Variants in NDUFAF6 observed in about 807,000 individuals in gnomAD.
NDUFAF6 encodes NADH dehydrogenase (ubiquinone) complex I, assembly factor 6.
NDUFAF6 carries 45 observed loss-of-function variants against 40.8 expected under a neutral mutation model. That is an observed-to-expected ratio of 1.10 (90% CI 0.87 to 1.42). The LOEUF (loss-of-function observed/expected upper bound fraction) is 1.42. Ranked by LOEUF, NDUFAF6 falls within the 40% of genes most tolerant of loss-of-function variation. The pLI is 0.00. For synonymous variants in NDUFAF6, 185 were observed against 155.9 expected, an observed-to-expected ratio of 1.19 and a Z score of -1.39; for missense variants, 435 against 418.5, an observed-to-expected ratio of 1.04 and a Z score of -0.34.
intron 1 of NDUFAF6, among the ~76,000 whole-genome samples, chr8:95,026,811 G>C (rs1256064425): frequency 6.6e-6 from 1 of 152,202 alleles, no homozygotes; most frequent in Admixed American, 6.5e-5. Flanking sequence ...ATTTTGGGAA[G>C]CCTAGGCAGA....
At chr8:95,104,009 G>A (rs1379530585), downstream of NDUFAF6, among the ~76,000 whole-genome samples, 2 of 151,970 alleles carry the variant, frequency 1.3e-5, no homozygotes, top group African/African-American at 4.8e-5. Flanking sequence ...TGCTTCTTCG[G>A]GTTTTCTCTT....
At chr8:94,911,959 G>A (rs1309822110) in intron 1 of NDUFAF6, among the ~76,000 whole-genome samples, 1 of 152,200 alleles carries the variant, frequency 6.6e-6, no homozygotes, top group Non-Finnish European at 1.5e-5. Flanking sequence ...GTGAGTAACT[G>A]CTGTTCGTAA....
At chr8:94,904,604 T>C (rs1329723618) in intron 1 of NDUFAF6, among the ~76,000 whole-genome samples, 2 of 152,148 alleles carry the variant, frequency 1.3e-5, no homozygotes, top group Non-Finnish European at 2.9e-5. Flanking sequence ...TTCTTGATTC[T>C]GTTCTTTATG....
intron 5 of NDUFAF6, among the ~76,000 whole-genome samples, chr8:95,046,135 A>G (rs1482537281): frequency 2.6e-5 from 4 of 151,886 alleles, no homozygotes; most frequent in Non-Finnish European, 4.4e-5. Context: ...ATCTCGGCTC[A>G]CTGCAACCTC....
chr8:95,061,225 CT>C (rs1832564842), downstream of NDUFAF6, among the ~76,000 whole-genome samples: 1 of 152,212 alleles, frequency 6.6e-6, no homozygotes, highest in African/African-American at 2.4e-5. Flanking sequence ...ACCACATCCC[CT>C]GATCTACTGA....
At chr8:95,057,198 T>C (rs1195055465) in intron 8 of NDUFAF6, among the ~76,000 whole-genome samples, 1 of 152,168 alleles carries the variant, frequency 6.6e-6, no homozygotes, top group East Asian at 1.9e-4. Flanking sequence ...TAAAAATTTA[T>C]AAATTAATCA....
At chr8:95,012,759 G>A (rs1827279141) in intron 2 of NDUFAF6, among the ~76,000 whole-genome samples, 1 of 152,146 alleles carries the variant, frequency 6.6e-6, no homozygotes, top group South Asian at 2.1e-4. Context: ...GAGAGGTAGA[G>A]GCTGCAATAA....
intron 3 of NDUFAF6, among the ~76,000 whole-genome samples, chr8:95,040,193 A>G (rs564570235): frequency 1.1e-3 from 174 of 152,258 alleles, no homozygotes; most frequent in African/African-American, 4.0e-3. Flanking sequence ...TTTTTAAAAC[A>G]CTAATTTTGG....
At chr8:95,090,219 A>G (rs1809203411) in intron 2 of NDUFAF6, among the ~76,000 whole-genome samples, 1 of 152,324 alleles carries the variant, frequency 6.6e-6, no homozygotes, top group Middle Eastern at 3.4e-3. Context: ...CTCTGTGCAC[A>G]GGAAGTGGGT....
intron 1 of NDUFAF6, among the ~76,000 whole-genome samples, chr8:94,914,103 CTTTTTTTT>C (rs563687562): frequency 1.0e-5 from 1 of 98,198 alleles, no homozygotes; most frequent in Non-Finnish European, 2.0e-5. Context: ...GACCTTATCT[CTTTTTTTT>C]TTTTTTTTTT....
chr8:94,948,915 T>A (rs1315154787), intron 2 of NDUFAF6, among the ~76,000 whole-genome samples: 3 of 150,978 alleles, frequency 2.0e-5, no homozygotes, highest in Admixed American at 6.6e-5. Context: ...GCCGCCTCTG[T>A]CAGCCTCTGT....
At chr8:95,108,071 G>A (rs1809893152), downstream of NDUFAF6, among the ~76,000 whole-genome samples, 1 of 152,208 alleles carries the variant, frequency 6.6e-6, no homozygotes, top group Admixed American at 6.5e-5. Flanking sequence ...CATAACCAGT[G>A]TTGGTGTGGG....
At chr8:94,949,197 G>C (rs1822325302) in intron 2 of NDUFAF6, 2 of 150,642 alleles carry the variant, frequency 1.3e-5, no homozygotes, top group South Asian at 4.1e-4. Context: ...GGGAGCGGCC[G>C]CCGGCTCGGC....
At chr8:95,093,592 C>T (rs921722804) in intron 2 of NDUFAF6, among the ~76,000 whole-genome samples, 1 of 152,148 alleles carries the variant, frequency 6.6e-6, no homozygotes, top group African/African-American at 2.4e-5. Flanking sequence ...CAGACCACTC[C>T]CTGTCCCCTT....
intron 2 of NDUFAF6, among the ~76,000 whole-genome samples, chr8:94,986,339 A>G (rs1289505751): frequency 6.6e-6 from 1 of 152,172 alleles, no homozygotes; most frequent in African/African-American, 2.4e-5. Flanking sequence ...TTTGTTCTCT[A>G]TTGCTGTTTG....
chr8:95,008,256 T>C (rs1161543881), intron 2 of NDUFAF6, among the ~76,000 whole-genome samples: 1 of 152,212 alleles, frequency 6.6e-6, no homozygotes. Flanking sequence ...GAATTAAAGA[T>C]GATCATCATC....
At chr8:94,901,787 G>A (rs186716062) in intron 1 of NDUFAF6, among the ~76,000 whole-genome samples, 31 of 152,226 alleles carry the variant, frequency 2.0e-4, no homozygotes, top group African/African-American at 7.0e-4. Flanking sequence ...GTTTCGCCAT[G>A]TTGGCCAGGC....
At chr8:94,950,057 T>C (rs1025977708) in intron 2 of NDUFAF6, 44 of 152,092 alleles carry the variant, frequency 2.9e-4, no homozygotes, top group African/African-American at 1.0e-3. Flanking sequence ...CACAAGGGAC[T>C]GCGAGACCAG....
At position 95,036,243 on chromosome 8, in the gene NDUFAF6, AGAG is replaced by A. The variant is rs527771595; in HGVS notation, c.420+673_420+675del. 4.1e-5 allele frequency: 49 copies of A among 1,191,354 alleles called. No individual in the cohort carries two copies. The African/African-American group carries it at 5.9e-4, about 14-fold the overall frequency. The allele number at this position is 1,191,354 out of a possible 1,614,324, so 73.8% of individuals were successfully genotyped here. ...TGGCTTAGAAATATTCTAAACTATG[AGAG>A]GAGGAAGGGAATTAGATACCTTTCA... On this transcript the variant is annotated intron_variant, in intron 3 of 8. Coordinates refer to ENST00000396124, the MANE Select transcript of NDUFAF6 (RefSeq NM_152416.4).
Sources: gnomAD v4.1 joint callset for allele counts (sites outside exome capture counted in the v4.1 genomes callset) on GRCh38, gnomAD v4.1.1 for gene constraint, MANE v1.5 for transcripts, NCBI Gene and HGNC (gene_info 2026-07-23, HGNC 2026-07-21) for gene names.